APP: variants seen among roughly 807,000 people sequenced by gnomAD.
APP encodes amyloid beta precursor protein.
A neutral mutation model predicts 101.4 loss-of-function variants in APP; 31 were observed. That is an observed-to-expected ratio of 0.31 (90% CI 0.23 to 0.41). The LOEUF (loss-of-function observed/expected upper bound fraction) is 0.41. Ranked by LOEUF, APP falls within the 10% of genes least tolerant of loss-of-function variation. The probability of loss-of-function intolerance (pLI) is 1.00; values close to 1 mark genes in which losing one functional copy is unlikely to be tolerated. For synonymous variants in APP, 366 were observed against 364.4 expected (o/e 1.00, Z -0.05); for missense variants, 839 against 1,003.7 (o/e 0.84, Z 2.22).
intron 2 of APP, among the ~76,000 whole-genome samples, chr21:26,107,245 A>C (rs989310231): frequency 8.5e-5 from 13 of 152,230 alleles, no homozygotes; most frequent in Non-Finnish European, 4.4e-5. Context: ...TTCCTGTACC[A>C]TGGAAATAAT....
rs1297719265 is a variant in APP, at chr21:25,975,159, G to A, written c.1369C>T (p.His457Tyr). Residue 457 changes from histidine to tyrosine, a missense_variant, in exon 11 of 18, where the codon CAC becomes TAC. Physicochemically the swap from His to Tyr is moderately conservative, Grantham distance 83. Transcript: ENST00000346798. ...ANERQQLVET[H>Y]MARVEAMLND... The stretch of plus-strand genomic sequence containing the variant: ...AGCATGGCTTCCACTCTGGCCATGT[G>A]TGTCTCCACCAGCTGCTGTCTCTCG... 1 of 1,614,066 alleles carries A rather than the reference G, an allele frequency of 6.2e-7. No individual in the cohort carries two copies. Among genetic ancestry groups the A allele is most frequent in the Admixed American group, 1.7e-5 (1 of 60,008 alleles).
At chr21:26,125,303 A>T (rs9984633) in intron 1 of APP, among the ~76,000 whole-genome samples, 13 of 152,222 alleles carry the variant, frequency 8.5e-5, no homozygotes, top group African/African-American at 2.9e-4. Flanking sequence ...TCTTAAAAAA[A>T]CATTAAAAGC....
chr21:26,058,804 G>A (rs1442855944), intron 3 of APP, among the ~76,000 whole-genome samples: 5 of 152,156 alleles, frequency 3.3e-5, no homozygotes, highest in African/African-American at 1.2e-4. Flanking sequence ...ACATTAGGCC[G>A]GGCGCGGTGG....
chr21:26,090,658 T>C (rs2061804332), intron 2 of APP, among the ~76,000 whole-genome samples: 1 of 152,172 alleles, frequency 6.6e-6, no homozygotes, highest in Admixed American at 6.5e-5. Flanking sequence ...TGGTGTAGGA[T>C]AATAGTCTGT....
chr21:26,014,042 C>T (rs550786643), intron 6 of APP, among the ~76,000 whole-genome samples: 34 of 152,300 alleles, frequency 2.2e-4, no homozygotes, highest in African/African-American at 7.7e-4. Context: ...GAAGTGCATC[C>T]TCTCCATCTT....
intron 1 of APP, among the ~76,000 whole-genome samples, chr21:26,152,284 C>CAA (rs1161739630): frequency 0.14 from 4,888 of 35,612 alleles, 727 homozygotes; most frequent in Admixed American, 0.19. Flanking sequence ...GACTCCATCT[C>CAA]AAAAAAAAAA....
chr21:26,030,179 A>G (rs1027651721), intron 5 of APP, among the ~76,000 whole-genome samples: 10 of 152,204 alleles, frequency 6.6e-5, no homozygotes, highest in African/African-American at 2.4e-4. Context: ...TGGACAGTTT[A>G]TAGGAAAACT....
At chr21:26,120,529 C>T (rs376600758) in intron 1 of APP, among the ~76,000 whole-genome samples, 5 of 152,114 alleles carry the variant, frequency 3.3e-5, no homozygotes, top group African/African-American at 1.2e-4. Context: ...TTGGGTTGTC[C>T]TAGAATTGGA....
intron 7 of APP, among the ~76,000 whole-genome samples, chr21:25,998,614 A>G (rs1177145297): frequency 6.6e-6 from 1 of 152,016 alleles, no homozygotes; most frequent in African/African-American, 2.4e-5. Flanking sequence ...AATTTATATA[A>G]TCCCTAGGAA....
intron 6 of APP, among the ~76,000 whole-genome samples, chr21:26,011,718 CTGGGTAACAAA>C (rs893692332): frequency 1.3e-5 from 2 of 151,662 alleles, no homozygotes; most frequent in Non-Finnish European, 2.9e-5. Flanking sequence ...TTCAGAAATC[CTGGGTAACAAA>C]TGCTAGTAAA....
intron 6 of APP, among the ~76,000 whole-genome samples, chr21:26,008,300 C>T (rs994004433): frequency 2.6e-5 from 4 of 152,160 alleles, no homozygotes; most frequent in Admixed American, 2.6e-4. Flanking sequence ...GGAACACTCA[C>T]AAAAGGGTAC....
chr21:26,143,707 C>T (rs1429294831), intron 1 of APP, among the ~76,000 whole-genome samples: 1 of 152,152 alleles, frequency 6.6e-6, no homozygotes, highest in Non-Finnish European at 1.5e-5. Context: ...GCCTCACTTC[C>T]CCCACATCCA....
intron 8 of APP, among the ~76,000 whole-genome samples, chr21:25,987,845 A>T (rs564321632): frequency 6.6e-6 from 1 of 152,342 alleles, no homozygotes; most frequent in Admixed American, 6.5e-5. Flanking sequence ...TGTGAGGCAC[A>T]TGGGAGAAAC....
intron 13 of APP, among the ~76,000 whole-genome samples, chr21:25,947,244 T>C: frequency 6.6e-6 from 1 of 152,138 alleles, no homozygotes; most frequent in East Asian, 1.9e-4. Context: ...AAAGAGAGCT[T>C]ACCTAATATC....
intron 1 of APP, chr21:26,140,112 T>C: frequency 1.4e-6 from 2 of 1,384,052 alleles, no homozygotes; most frequent in South Asian, 2.5e-5. Flanking sequence ...CTTACCCAAA[T>C]ACAGACTAAA....
At chr21:26,093,524 G>A (rs1283067564) in intron 2 of APP, among the ~76,000 whole-genome samples, 1 of 152,156 alleles carries the variant, frequency 6.6e-6, no homozygotes, top group Admixed American at 6.5e-5. Flanking sequence ...TTTCATGTTG[G>A]TTGCATACCA....
At chr21:26,136,464 A>G (rs1478311519) in intron 1 of APP, among the ~76,000 whole-genome samples, 1 of 152,134 alleles carries the variant, frequency 6.6e-6, no homozygotes, top group Non-Finnish European at 1.5e-5. Flanking sequence ...CCTCAGTAAG[A>G]TCATGGAAGT....
chr21:26,089,528 T>A (rs11087991), intron 3 of APP: 5,205 of 113,318 alleles, frequency 0.046, 240 homozygotes, highest in East Asian at 0.25. Context: ...TTTTTTTTTT[T>A]AGAAATTAAC....
intron 16 of APP, 70 bp downstream of exon 16, chr21:25,897,503 G>A (rs1332513658): frequency 8.8e-7 from 1 of 1,139,762 alleles, no homozygotes; most frequent in African/African-American, 1.5e-5. Context: ...TCTAGCACAG[G>A]ATGAACCAGA....
Sources: gnomAD v4.1 joint callset for allele counts (sites outside exome capture counted in the v4.1 genomes callset) on GRCh38, gnomAD v4.1.1 for gene constraint, MANE v1.5 for transcripts, NCBI Gene and HGNC (gene_info 2026-07-23, HGNC 2026-07-21) for gene names.